The following SORCS1 variants were observed in gnomAD, a reference collection of about 807,000 sequenced individuals.
SORCS1 encodes sortilin related VPS10 domain containing receptor 1.
In SORCS1, 60 loss-of-function variants were observed where a neutral mutation model predicts 146.1. That is an observed-to-expected ratio of 0.41 (90% confidence interval 0.33 to 0.51). SORCS1 has a LOEUF of 0.51. SORCS1 is among the 20% of genes least tolerant of loss of function. The pLI, the probability that SORCS1 is intolerant of heterozygous loss-of-function variation, is 0.21. For missense variants in SORCS1, 1,352 were observed against 1,487.6 expected (o/e 0.91, Z 1.50); for synonymous variants, 637 against 584.0 (o/e 1.09, Z -1.31).
At chr10:107,009,462 T>C (rs897955135) in intron 1 of SORCS1, among the ~76,000 whole-genome samples, 2 of 152,228 alleles carry the variant, frequency 1.3e-5, no homozygotes, top group Non-Finnish European at 1.5e-5. Context: ...AATGTTTAAA[T>C]TGAGAAGAGA....
intron 2 of SORCS1, among the ~76,000 whole-genome samples, chr10:106,886,861 A>G (rs1951022258): frequency 6.6e-6 from 1 of 152,266 alleles, no homozygotes; most frequent in Non-Finnish European, 1.5e-5. Context: ...GAAAGGCTAG[A>G]GTAGTTGTCT....
At chr10:106,739,178 C>T (rs569180034) in intron 5 of SORCS1, among the ~76,000 whole-genome samples, 15 of 152,286 alleles carry the variant, frequency 9.8e-5, no homozygotes, top group African/African-American at 3.1e-4. Context: ...GCCCACTCTT[C>T]CCCTGGGGAA....
At position 106,985,213 on chromosome 10, in the gene SORCS1, A is replaced by C. The variant is rs148999768; in HGVS notation, c.559-28633T>G. ...AAAATGAATACATAAATAAATAAAA[A>C]ATAAATAAAATAGGGTGAGCAAATC... is the stretch of plus-strand genomic sequence containing the variant. On this transcript the variant is annotated intron_variant, in intron 1 of 25. Transcript: ENST00000263054. Among the ~76,000 whole-genome samples the C allele has an allele frequency of 2.6e-4, 40 of 152,260 alleles. No individual in the cohort carries two copies. The East Asian group carries it at 7.3e-3, about 28-fold the overall frequency.
At chr10:106,816,957 T>C (rs370421218) in intron 3 of SORCS1, among the ~76,000 whole-genome samples, 201 of 152,240 alleles carry the variant, frequency 1.3e-3, no homozygotes, top group African/African-American at 4.6e-3. Context: ...AGTCTGTAAA[T>C]GTCAGCAATG....
chr10:106,992,818 C>CTTTTTTTTTTTTTTTT (rs1564899170), intron 1 of SORCS1, among the ~76,000 whole-genome samples: 1 of 110,422 alleles, frequency 9.1e-6, no homozygotes, highest in African/African-American at 3.7e-5. Context: ...TTCTTCCTTT[C>CTTTTTTTTTTTTTTTT]TTTCTTTCTT....
chr10:107,154,008 C>CTTTTTTTTTTTTTTT (rs71025579), intron 1 of SORCS1, among the ~76,000 whole-genome samples: 2 of 94,036 alleles, frequency 2.1e-5, no homozygotes, highest in African/African-American at 4.1e-5. Context: ...CTTTTCTTTT[C>CTTTTTTTTTTTTTTT]TTTTTTTTTT....
intron 18 of SORCS1, among the ~76,000 whole-genome samples, chr10:106,645,658 C>G (rs1418827820): frequency 6.6e-6 from 1 of 151,936 alleles, no homozygotes; most frequent in Admixed American, 6.6e-5. Flanking sequence ...CAGTGTTTCC[C>G]TTATTAGTTT....
At chr10:106,650,151 T>C (rs1351744097) in intron 18 of SORCS1, among the ~76,000 whole-genome samples, 2 of 152,202 alleles carry the variant, frequency 1.3e-5, no homozygotes, top group South Asian at 2.1e-4. Flanking sequence ...ATGAAAAATA[T>C]TAGGTAAAGC....
At chr10:107,041,248 G>A (rs1328762991) in intron 1 of SORCS1, among the ~76,000 whole-genome samples, 1 of 152,170 alleles carries the variant, frequency 6.6e-6, no homozygotes, top group African/African-American at 2.4e-5. Context: ...TTACCCAGGA[G>A]AGCACATTGG....
intron 4 of SORCS1, among the ~76,000 whole-genome samples, chr10:106,768,001 G>A (rs1859710726): frequency 6.6e-6 from 1 of 151,822 alleles, no homozygotes; most frequent in Non-Finnish European, 1.5e-5. Flanking sequence ...GAAATCATTA[G>A]AAACAGGCAA....
In SORCS1 at chr10:106,777,638, T is replaced by C. The variant is rs72823253; in HGVS notation, c.727-946A>G. 3.5e-3 allele frequency among the ~76,000 whole-genome samples: 528 copies of C among 152,372 alleles called. 2 individuals carry two copies. The highest frequency in any genetic ancestry group is 5.7e-3 in the Non-Finnish European group (387 of 68,040). On this transcript the variant is annotated intron_variant, in intron 3 of 25. Transcript: ENST00000263054. ...GCTTCAGACGTTTTACACTGTCTCA[T>C]TGGGATGCCCAATTTTGTCCAGAGC...
intron 1 of SORCS1, among the ~76,000 whole-genome samples, chr10:107,104,482 C>T (rs1370088511): frequency 1.3e-5 from 2 of 152,190 alleles, no homozygotes; most frequent in Admixed American, 6.5e-5. Flanking sequence ...AGTCACCTCT[C>T]ACCTCAGGAT....
At chr10:106,800,992 C>T (rs565532059) in intron 3 of SORCS1, among the ~76,000 whole-genome samples, 2 of 152,294 alleles carry the variant, frequency 1.3e-5, no homozygotes, top group South Asian at 4.1e-4. Context: ...ATTTGTGTAT[C>T]TCCTTTTCCA....
At chr10:106,655,185 T>C (rs1850190183) in intron 17 of SORCS1, among the ~76,000 whole-genome samples, 1 of 152,086 alleles carries the variant, frequency 6.6e-6, no homozygotes, top group African/African-American at 2.4e-5. Context: ...TAAAAATCCT[T>C]TGTAGTTGCT....
At chr10:106,579,520 A>G in intron 24 of SORCS1, 46 bp from the exon 25 acceptor site, 1 of 1,593,552 alleles carries the variant, frequency 6.3e-7, no homozygotes, top group Non-Finnish European at 8.6e-7. Flanking sequence ...AGAACTGGGC[A>G]GGTGAGACTC....
rs115321224 is a variant in SORCS1 at position 106,993,482 on chromosome 10, T to C, written c.559-36902A>G. ...TTAACTATCAAGGACACAAAGGACA[T>C]GATAGAGGCTGAACTCTGAATTAGA... On this transcript the variant is annotated intron_variant, in intron 1 of 25. Transcript: ENST00000263054. 1.3e-3 allele frequency among the ~76,000 whole-genome samples: 197 copies of C among 152,286 alleles called. 1 individual carries two copies. The highest frequency in any genetic ancestry group is 4.6e-3 in the African/African-American group (191 of 41,556).
At chr10:107,062,454 T>A (rs552922205) in intron 1 of SORCS1, among the ~76,000 whole-genome samples, 1 of 152,074 alleles carries the variant, frequency 6.6e-6, no homozygotes. Context: ...ATAAACATAA[T>A]TATAATTAAG....
chr10:106,888,637 G>A (rs943092869), intron 2 of SORCS1, among the ~76,000 whole-genome samples: 4 of 152,138 alleles, frequency 2.6e-5, no homozygotes, highest in Admixed American at 6.5e-5. Flanking sequence ...TTTCTATTCC[G>A]TGACCAATTT....
intron 1 of SORCS1, among the ~76,000 whole-genome samples, chr10:107,021,514 A>C (rs1158080844): frequency 1.4e-4 from 1 of 6,948 alleles, no homozygotes. Context: ...ACTCCGTCTC[A>C]AAAAAAAAAA....
Sources: allele counts gnomAD v4.1 joint callset (sites outside exome capture counted in the v4.1 genomes callset), GRCh38; gene constraint gnomAD v4.1.1; transcripts MANE v1.5; gene names NCBI Gene and HGNC (gene_info 2026-07-23, HGNC 2026-07-21).